CDKAL1: variants seen among roughly 807,000 people sequenced by gnomAD.
The protein encoded by CDKAL1 is threonylcarbamoyladenosine tRNA methylthiotransferase.
In CDKAL1, 32 loss-of-function variants were observed where a neutral mutation model predicts 68.2. That is an observed-to-expected ratio of 0.47 (90% CI 0.35 to 0.63). The LOEUF is 0.63. Ranked by LOEUF, CDKAL1 falls within the 30% of genes least tolerant of loss-of-function variation. The probability of loss-of-function intolerance (pLI) is 0.00; values close to 1 mark genes in which losing one functional copy is unlikely to be tolerated. For synonymous variants in CDKAL1, 234 were observed against 244.3 expected (o/e 0.96, Z 0.39); for missense variants, 606 against 696.7 (o/e 0.87, Z 1.47).
chr6:20,544,804 A>G (rs940322644), intron 2 of CDKAL1, among the ~76,000 whole-genome samples: 1 of 151,958 alleles, frequency 6.6e-6, no homozygotes, highest in Non-Finnish European at 1.5e-5. Flanking sequence ...ACACTGCAAA[A>G]CTTCATTACT....
chr6:20,672,114 C>A (rs1460635312), intron 5 of CDKAL1, among the ~76,000 whole-genome samples: 1 of 152,068 alleles, frequency 6.6e-6, no homozygotes, highest in Non-Finnish European at 1.5e-5. Flanking sequence ...CTAGTCCTTT[C>A]TTGTAGTCTG....
chr6:20,738,162 A>C (rs1773280477), intron 5 of CDKAL1, among the ~76,000 whole-genome samples: 1 of 152,224 alleles, frequency 6.6e-6, no homozygotes, highest in African/African-American at 2.4e-5. Context: ...AATTGGGTAC[A>C]TAACACGCAG....
At chr6:21,187,257 A>G (rs1442520991) in intron 13 of CDKAL1, among the ~76,000 whole-genome samples, 1 of 152,190 alleles carries the variant, frequency 6.6e-6, no homozygotes, top group African/African-American at 2.4e-5. Context: ...CATTTTTAAC[A>G]TTATAGATTA....
At chr6:20,978,392 T>G (rs1026555143) in intron 10 of CDKAL1, among the ~76,000 whole-genome samples, 1 of 152,270 alleles carries the variant, frequency 6.6e-6, no homozygotes, top group South Asian at 2.1e-4. Context: ...GGTAGACGTT[T>G]CCTTTCACAG....
chr6:20,633,742 A>T (rs78421627), intron 4 of CDKAL1, among the ~76,000 whole-genome samples: 2,594 of 152,206 alleles, frequency 0.017, 32 homozygotes, highest in Non-Finnish European at 0.028. Context: ...GTGCTATCTC[A>T]TTGTGGTTTT....
intron 4 of CDKAL1, among the ~76,000 whole-genome samples, chr6:20,639,290 T>C (rs1334284288): frequency 6.6e-6 from 1 of 152,192 alleles, no homozygotes; most frequent in Non-Finnish European, 1.5e-5. Flanking sequence ...ATAAGTAATC[T>C]CCGAGAATAA....
chr6:20,679,180 G>C (rs937332613), intron 5 of CDKAL1, among the ~76,000 whole-genome samples: 1 of 152,220 alleles, frequency 6.6e-6, no homozygotes, highest in Non-Finnish European at 1.5e-5. Flanking sequence ...GCCTCCCAAA[G>C]TGTTGGGATT....
At chr6:20,789,617 T>G (rs978972843) in intron 8 of CDKAL1, among the ~76,000 whole-genome samples, 1 of 152,238 alleles carries the variant, frequency 6.6e-6, no homozygotes, top group African/African-American at 2.4e-5. Flanking sequence ...TCTATTGCCC[T>G]TTCTAAAAAG....
chr6:20,793,797 A>ATATATTATATATATATATATCCTAAT (rs1776001231), intron 8 of CDKAL1, among the ~76,000 whole-genome samples: 1 of 147,394 alleles, frequency 6.8e-6, no homozygotes, highest in Non-Finnish European at 1.5e-5. Flanking sequence ...TCTTTCAGAT[A>ATATATTATATATATATATATCCTAAT]TATATTATAT....
chr6:21,131,678 C>T lies in CDKAL1; in HGVS notation c.1299+23215C>T, dbSNP rs527894499. 1.9e-4 allele frequency among the ~76,000 whole-genome samples: 29 copies of T among 152,224 alleles called. 1 individual carries two copies. Among genetic ancestry groups the T allele is most frequent in the African/African-American group, 7.0e-4 (29 of 41,538 alleles). On this transcript the variant is annotated intron_variant, in intron 13 of 15. Transcript: ENST00000274695. ...CTAACACTAGAAAAAAACCATAAAGCTAGATGGCTACTCTAAAATGTTATT... is the reference window on the plus strand; with the variant it reads ...CTAACACTAGAAAAAAACCATAAAGTTAGATGGCTACTCTAAAATGTTATT...
At chr6:20,871,479 T>C (rs1760212057) in intron 9 of CDKAL1, among the ~76,000 whole-genome samples, 1 of 152,210 alleles carries the variant, frequency 6.6e-6, no homozygotes, top group East Asian at 1.9e-4. Flanking sequence ...AGTTATGATT[T>C]TTTATTTTTA....
chr6:20,576,774 C>G (rs6909117), intron 4 of CDKAL1, among the ~76,000 whole-genome samples: 361 of 152,246 alleles, frequency 2.4e-3, no homozygotes, highest in African/African-American at 8.3e-3. Context: ...CTGTAGCCAC[C>G]TTGGAGGCAG....
chr6:21,124,137 A>G (rs1774867440), intron 13 of CDKAL1, among the ~76,000 whole-genome samples: 1 of 152,246 alleles, frequency 6.6e-6, no homozygotes, highest in Non-Finnish European at 1.5e-5. Context: ...TAAATTTTGA[A>G]TATGTAATAG....
chr6:21,227,163 TGTC>T lies in CDKAL1; in HGVS notation c.1549-3682_1549-3680del, dbSNP rs1411215782. 2.6e-5 allele frequency among the ~76,000 whole-genome samples: 4 copies of T among 152,262 alleles called. No homozygotes were observed. The South Asian group carries it at 6.2e-4, about 24-fold the overall frequency. On this transcript the variant is annotated intron_variant, in intron 15 of 15. Transcript: ENST00000274695. ...TCTGTTTACTTTCTAGAACTACGCT[TGTC>T]GTGTGTGTGTCGACTTTTTCTATCG... is the stretch of plus-strand genomic sequence containing the variant.
At chr6:20,894,327 A>G (rs934072821) in intron 9 of CDKAL1, among the ~76,000 whole-genome samples, 11 of 151,724 alleles carry the variant, frequency 7.3e-5, no homozygotes, top group Non-Finnish European at 8.8e-5. Context: ...TCCTAAATTA[A>G]CAGTGGTAAA....
intron 4 of CDKAL1, among the ~76,000 whole-genome samples, chr6:20,623,631 C>A (rs1053305611): frequency 6.6e-6 from 1 of 151,996 alleles, no homozygotes; most frequent in South Asian, 2.1e-4. Context: ...CAAAGTGAAT[C>A]AAAGTTGGAG....
intron 9 of CDKAL1, among the ~76,000 whole-genome samples, chr6:20,897,332 G>A (rs1378943730): frequency 4.6e-5 from 7 of 152,252 alleles, no homozygotes; most frequent in East Asian, 3.9e-4. Context: ...CCCCCAGTAG[G>A]AATGAATTGG....
At chr6:20,816,300 C>CA (rs1371683295) in intron 8 of CDKAL1, among the ~76,000 whole-genome samples, 2 of 152,192 alleles carry the variant, frequency 1.3e-5, no homozygotes, top group Non-Finnish European at 2.9e-5. Context: ...CCCAATACAG[C>CA]ATTCTATTGT....
chr6:20,801,434 A>G (rs1012312328), intron 8 of CDKAL1, among the ~76,000 whole-genome samples: 4 of 152,222 alleles, frequency 2.6e-5, no homozygotes, highest in African/African-American at 9.6e-5. Flanking sequence ...TGTTATTAAC[A>G]TTTTACCATC....
Sources: allele counts gnomAD v4.1 joint callset (sites outside exome capture counted in the v4.1 genomes callset), GRCh38; gene constraint gnomAD v4.1.1; transcripts MANE v1.5; gene names NCBI Gene and HGNC (gene_info 2026-07-23, HGNC 2026-07-21).